The following COL16A1 variants were observed in gnomAD, a reference collection of about 807,000 sequenced individuals.
COL16A1 encodes the protein collagen type XVI alpha 1 chain.
COL16A1 carries 189 observed loss-of-function variants against 266.3 expected under a neutral mutation model. That is an observed-to-expected ratio of 0.71 (90% confidence interval 0.63 to 0.80). The LOEUF (loss-of-function observed/expected upper bound fraction) is 0.80. Among genes scored for constraint, COL16A1 ranks in the 30% least tolerant of loss-of-function variants. The pLI is 0.00. For missense variants in COL16A1, 1,928 were observed against 2,122.4 expected (o/e 0.91, Z 1.80); for synonymous variants, 740 against 782.3 (o/e 0.95, Z 0.90).
In COL16A1 at chr1:31,668,967, C is replaced by T. The variant is rs1243651307; in HGVS notation, c.3196-112G>A. On this transcript the variant is annotated intron_variant, in intron 49 of 70. Transcript: ENST00000373672. This position sits in a 1 kb window ranked among gnomAD's most constrained non-coding sequence, Gnocchi z 5.8. ...TTCCCACTCCAGGCAAATATGGAGG[C>T]CATAGTGGCTCTCGTAGTGTCCCTA... 3.3e-6 allele frequency: 3 copies of T among 901,006 alleles called. No individual in the cohort carries two copies. Among genetic ancestry groups the T allele is most frequent in the East Asian group, 5.2e-5 (2 of 38,680 alleles). 55.8% of individuals were successfully genotyped at this position (901,006 alleles called of 1,614,324 possible). A position where few individuals can be genotyped will look rare whatever the true frequency, so the allele number is the denominator to read the frequency against.
chr1:31,658,682 G>A, intron 63 of COL16A1, 105 bp from the exon 64 acceptor site: 2 of 1,153,408 alleles, frequency 1.7e-6, no homozygotes, highest in Non-Finnish European at 2.5e-6. Flanking sequence ...ACTACAGGGA[G>A]AGGTGGCACT....
rs748097137 is a variant in COL16A1 at position 31,699,935 on chromosome 1, G to C, written c.149-5C>G. 1 of 1,608,016 alleles carries C rather than the reference G, an allele frequency of 6.2e-7. No individual in the cohort carries two copies. Among genetic ancestry groups the C allele is most frequent in the South Asian group, 1.1e-5 (1 of 90,926 alleles). ...GTCGGTGGATGAGGTTGAAGCCTTT[G>C]GGGGAGACATCAGGTGAAGAGCTCA... is the stretch of plus-strand genomic sequence containing the variant. On this transcript the variant is annotated splice_region_variant and splice_polypyrimidine_tract_variant and intron_variant, in intron 3 of 70. Transcript: ENST00000373672.
intron 11 of COL16A1, 24 bp downstream of exon 11, chr1:31,695,162 C>T: frequency 6.2e-7 from 1 of 1,613,386 alleles, no homozygotes; most frequent in Non-Finnish European, 8.5e-7. Context: ...CCCGCTCCAC[C>T]CTGCACACCC....
intron 26 of COL16A1, among the ~76,000 whole-genome samples, chr1:31,687,824 T>C (rs1644066466): frequency 6.6e-6 from 1 of 152,180 alleles, no homozygotes; most frequent in Non-Finnish European, 1.5e-5. Context: ...TACTTCAGTG[T>C]TTCTCACACT....
At chr1:31,703,575 C>T (rs16834691) in intron 1 of COL16A1, among the ~76,000 whole-genome samples, 2,312 of 152,262 alleles carry the variant, frequency 0.015, 40 homozygotes, top group African/African-American at 0.052. Flanking sequence ...CTCTGGTCGC[C>T]ACTCCTCAGG....
At chr1:31,692,926 C>T (rs1644338973) in intron 13 of COL16A1, 118 bp from the exon 14 acceptor site, 2 of 1,071,306 alleles carry the variant, frequency 1.9e-6, no homozygotes, top group Non-Finnish European at 2.8e-6. Context: ...AAAAGGGGGG[C>T]TTCTACACCC....
At chr1:31,667,471 G>A in intron 52 of COL16A1, 104 bp downstream of exon 52, 6 of 936,566 alleles carry the variant, frequency 6.4e-6, no homozygotes. Flanking sequence ...GGGGGCAGCA[G>A]GGGTCACGAT....
intron 62 of COL16A1, 108 bp downstream of exon 62, chr1:31,660,477 G>A (rs1641552385): frequency 1.4e-6 from 2 of 1,467,126 alleles, no homozygotes; most frequent in Admixed American, 4.1e-5. Context: ...CACGGCTGGG[G>A]CAGCCCCTAT....
Position 31,663,266 on chromosome 1 carries a change from G to A in COL16A1, c.3556-608C>T, listed in dbSNP as rs539932686. 5.0e-4 allele frequency: 76 copies of A among 153,334 alleles called. No homozygotes were observed. The highest frequency in any genetic ancestry group is 2.2e-3 in the South Asian group (11 of 4,890). 9.5% of individuals were successfully genotyped at this position (153,334 alleles called of 1,614,324 possible). On this transcript the variant is annotated intron_variant, in intron 56 of 70. Transcript: ENST00000373672. This position sits in a 1 kb window ranked among gnomAD's most constrained non-coding sequence, Gnocchi z 4.9. ...AAAGGGGCTCAGGGAGCTCAGGAGC[G>A]GGGAGCAGTTCCCTCTGGCTGGGGA...
In COL16A1 at chr1:31,685,402, GTC is replaced by G. The variant is rs949372927; in HGVS notation, c.2016+235_2016+236del. 8.5e-5 allele frequency among the ~76,000 whole-genome samples: 13 copies of G among 152,166 alleles called. No homozygotes were observed. The highest frequency in any genetic ancestry group is 2.9e-4 in the African/African-American group (12 of 41,426). On this transcript the variant is annotated intron_variant, in intron 29 of 70. Transcript: ENST00000373672. The surrounding 1 kb of genome is among the most constrained non-coding windows in gnomAD (Gnocchi z 4.0). ...AAGCAAAGCTAAGATTGGAACCCAGGTCTCTCTGCTCCTAGGATGGCGTGCTT... is the reference window on the plus strand; with the variant it reads ...AAGCAAAGCTAAGATTGGAACCCAGGTCTCTGCTCCTAGGATGGCGTGCTT...
At chr1:31,669,005 T>TAATG (rs1642406921) in intron 49 of COL16A1, 150 bp from the exon 50 acceptor site, 1 of 673,856 alleles carries the variant, frequency 1.5e-6, no homozygotes, top group Non-Finnish European at 2.5e-6. Flanking sequence ...AGGTGACCCG[T>TAATG]AATGGGTGTG....
chr1:31,653,617 C>T lies in COL16A1; in HGVS notation c.4594G>A (p.Gly1532Ser). 6.2e-7 allele frequency: 1 copy of T among 1,613,844 alleles called. No homozygotes were observed. The change falls in exon 70 of 71, where the codon GGT becomes AGT. Residue 1532 changes from glycine to serine, a missense_variant. Gly to Ser is a moderately conservative substitution (Grantham distance 56). Coordinates refer to ENST00000373672, the MANE Select transcript of COL16A1 (RefSeq NM_001856.4). Reference protein sequence around the residue: ...DIGIGIAGENGLPGPPGPQGP... With the variant: ...DIGIGIAGENSLPGPPGPQGP... ...TTCCTACCTGGGGGGCCGGGAAGAC[C>T]ATTTTCTCCTGCAATGCCAATACCA...
Position 31,692,967 on chromosome 1 carries a change from C to A in COL16A1, c.1071+125G>T, listed in dbSNP as rs768452451. On this transcript the variant is annotated intron_variant, in intron 13 of 70. Coordinates refer to ENST00000373672, the MANE Select transcript of COL16A1 (RefSeq NM_001856.4). ...CCTAGAAAGACCCTGGCCCTCACCC[C>A]CCTCCCGTGATCTGGGCCAAGCTGC... 55 of 946,668 alleles carry A rather than the reference C, an allele frequency of 5.8e-5. No homozygotes were observed. In the African/African-American group the frequency reaches 7.8e-4, roughly 13 times the overall value. 58.6% of individuals were successfully genotyped at this position (946,668 alleles called of 1,614,324 possible). A position where few individuals can be genotyped will look rare whatever the true frequency, so the allele number is the denominator to read the frequency against.
intron 52 of COL16A1, chr1:31,666,349 A>G (rs1642143077): frequency 3.9e-6 from 2 of 510,160 alleles, no homozygotes; most frequent in African/African-American, 3.9e-5. Context: ...AGCTCTGATT[A>G]TGTCACTCTC....
At chr1:31,672,023 T>A (rs562844638) in intron 47 of COL16A1, among the ~76,000 whole-genome samples, 1 of 152,218 alleles carries the variant, frequency 6.6e-6, no homozygotes, top group African/African-American at 2.4e-5. Flanking sequence ...AGAATGTTCC[T>A]GAATGAAGTA....
Position 31,683,240 on chromosome 1 carries a change from G to C in COL16A1, c.2423C>G (p.Pro808Arg). Residue 808 changes from proline (P) to arginine (R), a missense_variant, in exon 36 of 71, where the codon CCG (proline) becomes CGG (arginine). Pro to Arg is a moderately radical substitution (Grantham distance 103). Transcript: ENST00000373672. ...APGLPGIQGL[P>R]GPRGPPGPTG... ...GGGGCCAGGTGGTCCCCGAGGTCCCGGAAGTCCCTGCAGATGGAAGCACAG... is the reference window on the plus strand; with the variant it reads ...GGGGCCAGGTGGTCCCCGAGGTCCCCGAAGTCCCTGCAGATGGAAGCACAG... The C allele has an allele frequency of 1.2e-6, 2 of 1,614,120 alleles. No homozygotes were observed. Among genetic ancestry groups the C allele is most frequent in the Non-Finnish European group, 8.5e-7 (1 of 1,180,022 alleles).
chr1:31,689,787 C>T lies in COL16A1; in HGVS notation c.1574G>A (p.Gly525Glu). ...AGGCTCCCCTTTGGGCCCTGGCTTTCCAGGAAGTCCAACAAAGTTCTGGAA... is the reference window on the plus strand; with the variant it reads ...AGGCTCCCCTTTGGGCCCTGGCTTTTCAGGAAGTCCAACAAAGTTCTGGAA... ...EGFQNFVGLP[G>E]KPGPKGEPGD... is the part of the protein sequence containing the mutation. Residue 525 changes from glycine to glutamate, a missense_variant, in exon 23 of 71, where the codon GGA becomes GAA. Gly to Glu is a moderately conservative substitution (Grantham distance 98, BLOSUM62 -2). Transcript: ENST00000373672. 6.2e-7 allele frequency: 1 copy of T among 1,614,152 alleles called. No individual in the cohort carries two copies. Among genetic ancestry groups the T allele is most frequent in the Non-Finnish European group, 8.5e-7 (1 of 1,180,010 alleles).
In COL16A1 at chr1:31,665,225, CA is replaced by C. The variant is rs1224365449; in HGVS notation, c.3501del (p.Gly1168AspfsTer59). ...QPGFPGPPGP[P>X]GFPGKVGSPG... is the part of the protein sequence containing the mutation. ...GGTGATCCAACTTTGCCTGGGAATC[CA>C]GGGGGACCCTGTATCAACAAAGGGG... On this transcript the variant is annotated frameshift_variant, in exon 56 of 71. Transcript: ENST00000373672. LOFTEE classifies it high-confidence loss of function. 1 of 1,596,132 alleles carries C rather than the reference CA, an allele frequency of 6.3e-7. No individual in the cohort carries two copies. The highest frequency in any genetic ancestry group is 8.5e-7 in the Non-Finnish European group (1 of 1,175,372).
chr1:31,665,455 C>A (rs1465611231), intron 55 of COL16A1, 128 bp downstream of exon 55: 3 of 1,553,136 alleles, frequency 1.9e-6, no homozygotes, highest in Admixed American at 3.6e-5. Context: ...CCTGGCCACC[C>A]AGGCCGTTCT....
Sources: allele counts gnomAD v4.1 joint callset (sites outside exome capture counted in the v4.1 genomes callset), GRCh38; gene constraint gnomAD v4.1.1; non-coding constraint Gnocchi (gnomAD v3.1); transcripts MANE v1.5; gene names NCBI Gene and HGNC (gene_info 2026-07-23, HGNC 2026-07-21).